Variants in MAPK8IP3 observed in about 807,000 individuals in gnomAD.
MAPK8IP3 encodes C-Jun-amino-terminal kinase-interacting protein 3.
MAPK8IP3 carries 49 observed loss-of-function variants against 157.8 expected under a neutral mutation model. The ratio of observed to expected loss-of-function variants is 0.31; its 90% CI spans 0.25 to 0.39. The LOEUF (loss-of-function observed/expected upper bound fraction) is 0.39. Among genes scored for constraint, MAPK8IP3 ranks in the 10% least tolerant of loss-of-function variants. The pLI, the probability that MAPK8IP3 is intolerant of heterozygous loss-of-function variation, is 1.00. For missense variants in MAPK8IP3, 1,478 were observed against 1,889.4 expected (o/e 0.78, Z 4.04); for synonymous variants, 897 against 777.7 (o/e 1.15, Z -2.55).
intron 5 of MAPK8IP3, chr16:1,744,634 GCC>G: frequency 1.0e-6 from 1 of 985,566 alleles, no homozygotes; most frequent in African/African-American, 1.7e-5. Context: ...GCTGGGACCT[GCC>G]CATAGGCATC....
intron 11 of MAPK8IP3, 89 bp downstream of exon 11, chr16:1,760,104 G>T: frequency 7.0e-7 from 1 of 1,427,802 alleles, no homozygotes. Context: ...GGCGCCTTGG[G>T]GAGCACCTGG....
intron 4 of MAPK8IP3, among the ~76,000 whole-genome samples, chr16:1,739,199 CGT>C (rs1157688459): frequency 9.6e-6 from 1 of 104,328 alleles, no homozygotes; most frequent in East Asian, 3.0e-4. Flanking sequence ...TGTGACCGTC[CGT>C]GTGAGCGTCC....
intron 8 of MAPK8IP3, among the ~76,000 whole-genome samples, chr16:1,750,519 G>A (rs1000401536): frequency 1.3e-5 from 2 of 151,528 alleles, no homozygotes; most frequent in Non-Finnish European, 2.9e-5. Context: ...GGCCGATAAT[G>A]TATATTTTTT....
At position 1,748,240 on chromosome 16, in the gene MAPK8IP3, CT is replaced by C; in HGVS notation, c.995-3del. ...ACCCCAGGTGCCCCTGTGCTCTCCCCTAGGCATGGGCAGCAGTGACGAGTGG... is the reference window on the plus strand; with the variant it reads ...ACCCCAGGTGCCCCTGTGCTCTCCCCAGGCATGGGCAGCAGTGACGAGTGG... On this transcript the variant is annotated splice_polypyrimidine_tract_variant and splice_region_variant and intron_variant, in intron 6 of 31. Coordinates refer to ENST00000610761, the MANE Select transcript of MAPK8IP3 (RefSeq NM_001318852.2). 1 of 1,611,414 alleles carries C rather than the reference CT, an allele frequency of 6.2e-7. No individual in the cohort carries two copies. Among genetic ancestry groups the C allele is most frequent in the Non-Finnish European group, 8.5e-7 (1 of 1,177,714 alleles).
intron 8 of MAPK8IP3, among the ~76,000 whole-genome samples, chr16:1,754,136 G>A (rs1029016248): frequency 1.3e-5 from 2 of 151,056 alleles, no homozygotes; most frequent in African/African-American, 2.4e-5. Flanking sequence ...TCGCACCACC[G>A]CACTGCAGCC....
rs1452153170 is a variant in MAPK8IP3, at chr16:1,737,679, ACCGT to A, written c.603-5648_603-5645del. Among the ~76,000 whole-genome samples the A allele has an allele frequency of 4.4e-5, 2 of 45,552 alleles. 1 individual carries two copies. The highest frequency in any genetic ancestry group is 1.8e-4 in the African/African-American group (2 of 11,278). 29.9% of individuals were successfully genotyped at this position (45,552 alleles called of 152,430 possible). On this transcript the variant is annotated intron_variant, in intron 4 of 31. Transcript: ENST00000610761. ...GTGTGAGCGTCCGTGTGAGCGTGTG[ACCGT>A]CCGTGTGTGACCATCCATGTGAGCA...
intron 1 of MAPK8IP3, among the ~76,000 whole-genome samples, chr16:1,712,993 C>T (rs566737296): frequency 1.3e-5 from 2 of 152,344 alleles, no homozygotes; most frequent in South Asian, 2.1e-4. Context: ...TTCCTTTTCT[C>T]GGCACACCCG....
At chr16:1,719,804 G>C (rs1005424309) in intron 1 of MAPK8IP3, among the ~76,000 whole-genome samples, 14 of 151,898 alleles carry the variant, frequency 9.2e-5, no homozygotes, top group African/African-American at 3.4e-4. Flanking sequence ...GACAGAGGGA[G>C]ACCCTGTCCC....
At position 1,759,903 on chromosome 16, in the gene MAPK8IP3, C is replaced by T. The variant is rs540734517; in HGVS notation, c.1247-55C>T. The T allele has an allele frequency of 3.3e-4, 486 of 1,492,028 alleles. 5 individuals are homozygous for T. In the South Asian group the frequency reaches 5.2e-3, roughly 16 times the overall value. The allele number at this position is 1,492,028 out of a possible 1,614,324, so 92.4% of individuals were successfully genotyped here. On this transcript the variant is annotated intron_variant, in intron 10 of 31. Coordinates refer to ENST00000610761, the MANE Select transcript of MAPK8IP3 (RefSeq NM_001318852.2). The stretch of plus-strand genomic sequence containing the variant: ...TGTTGCCCTGAGGCAGGTGCGGCGG[C>T]ATCAGTGACCTGTTTTGAAGGGCAC...
rs1469627793 is a variant in MAPK8IP3 at position 1,770,268 on chromosome 16, A to G, written c.*1444A>G. ...GATTCTCCTCAGGCTTTGGCCCTGC[A>G]AGCAAACCCACATATCTGCTCTGTA... On this transcript the variant is annotated 3_prime_UTR_variant, in exon 32 of 32. Transcript: ENST00000610761. 2 of 182,504 alleles carry G rather than the reference A, an allele frequency of 1.1e-5. No individual in the cohort carries two copies. Among genetic ancestry groups the G allele is most frequent in the Non-Finnish European group, 2.3e-5 (2 of 88,418 alleles). The allele number at this position is 182,504 out of a possible 1,614,324, so 11.3% of individuals were successfully genotyped here. A position where few individuals can be genotyped will look rare whatever the true frequency, so the allele number is the denominator to read the frequency against.
Position 1,718,299 on chromosome 16 carries a change from C to G in MAPK8IP3, c.319-6258C>G, listed in dbSNP as rs1042833202. ...TCCCGTGTTCAAGAGATTCTCCTGCCTCAGCCTCCTGAGTAGCTGGGATTA... is the reference window on the plus strand; with the variant it reads ...TCCCGTGTTCAAGAGATTCTCCTGCGTCAGCCTCCTGAGTAGCTGGGATTA... On this transcript the variant is annotated intron_variant, in intron 1 of 31. Transcript: ENST00000610761. Among the ~76,000 whole-genome samples the G allele has an allele frequency of 3.9e-5, 6 of 151,992 alleles. No homozygotes were observed. In the South Asian group the frequency reaches 8.3e-4, roughly 21 times the overall value.
At position 1,769,191 on chromosome 16, in the gene MAPK8IP3, GGGGCTCCCCGCCGCCGAGGCTGCCT is replaced by G; in HGVS notation, c.*369_*393del. On this transcript the variant is annotated 3_prime_UTR_variant, in exon 32 of 32. Transcript: ENST00000610761. ...CTCCCCAGCACCCCTGGAGGAGGCA[GGGGCTCCCCGCCGCCGAGGCTGCCT>G]GCCCTGGGCCCACCTCTGCATGCTG... 3.8e-6 allele frequency: 1 copy of G among 265,250 alleles called. No homozygotes were observed. Among genetic ancestry groups the G allele is most frequent in the Admixed American group, 5.0e-5 (1 of 19,996 alleles). The allele number at this position is 265,250 out of a possible 1,614,324, so 16.4% of individuals were successfully genotyped here. A position where few individuals can be genotyped will look rare whatever the true frequency, so the allele number is the denominator to read the frequency against.
In MAPK8IP3 at chr16:1,767,404, C is replaced by A. The variant is rs2042336493; in HGVS notation, c.3237+107C>A. 9 of 1,519,908 alleles carry A rather than the reference C, an allele frequency of 5.9e-6. No individual in the cohort carries two copies. The South Asian group carries it at 7.2e-5, about 12-fold the overall frequency. The allele number at this position is 1,519,908 out of a possible 1,614,324, so 94.2% of individuals were successfully genotyped here. A position where few individuals can be genotyped will look rare whatever the true frequency, so the allele number is the denominator to read the frequency against. On this transcript the variant is annotated intron_variant, in intron 26 of 31. Transcript: ENST00000610761. ...ACGAGGCCCTACGTGGGTCCCATCT[C>A]CCCTGTACCACCTATGACTCAGGCT...
chr16:1,732,012 C>T (rs575344074), intron 4 of MAPK8IP3, among the ~76,000 whole-genome samples: 108 of 152,308 alleles, frequency 7.1e-4, no homozygotes, highest in South Asian at 1.9e-3. Context: ...ATGGGTTCCT[C>T]TCCGTTTTCT....
At position 1,769,274 on chromosome 16, in the gene MAPK8IP3, C is replaced by A. The variant is rs894138781; in HGVS notation, c.*450C>A. 4.0e-5 allele frequency: 8 copies of A among 202,226 alleles called. No homozygotes were observed. Among genetic ancestry groups the A allele is most frequent in the African/African-American group, 1.6e-4 (7 of 42,624 alleles). 12.5% of individuals were successfully genotyped at this position (202,226 alleles called of 1,614,324 possible). On this transcript the variant is annotated 3_prime_UTR_variant, in exon 32 of 32. Coordinates refer to ENST00000610761, the MANE Select transcript of MAPK8IP3 (RefSeq NM_001318852.2). ...GGCCACCCTGCCTCCTGGGCCCTCACTCTGCCTAGGGGAGCTGGGCCAGGC... is the reference window on the plus strand; with the variant it reads ...GGCCACCCTGCCTCCTGGGCCCTCAATCTGCCTAGGGGAGCTGGGCCAGGC...
chr16:1,739,745 C>A (rs1351894764), intron 4 of MAPK8IP3, among the ~76,000 whole-genome samples: 5 of 82,590 alleles, frequency 6.1e-5, no homozygotes, highest in Admixed American at 1.8e-4. Context: ...TGTGTGTGAC[C>A]GTCCGTGTGT....
chr16:1,714,598 G>C (rs1032933381), intron 1 of MAPK8IP3, among the ~76,000 whole-genome samples: 1 of 152,186 alleles, frequency 6.6e-6, no homozygotes, highest in African/African-American at 2.4e-5. Context: ...CCTCTGGGGA[G>C]TTTGGGGCTC....
At chr16:1,737,884 G>C (rs1305527653) in intron 4 of MAPK8IP3, among the ~76,000 whole-genome samples, 1 of 85,274 alleles carries the variant, frequency 1.2e-5, no homozygotes, top group Non-Finnish European at 2.3e-5. Context: ...CCGTCCGTGT[G>C]AGCATCCGTG....
chr16:1,763,130 GC>G, intron 16 of MAPK8IP3, 124 bp downstream of exon 16: 1 of 1,297,970 alleles, frequency 7.7e-7, no homozygotes, highest in Non-Finnish European at 1.1e-6. Flanking sequence ...CTGGCCACAT[GC>G]CAGGGGCCGT....
Sources: gnomAD v4.1 joint callset for allele counts (sites outside exome capture counted in the v4.1 genomes callset) on GRCh38, gnomAD v4.1.1 for gene constraint, MANE v1.5 for transcripts, NCBI Gene and HGNC (gene_info 2026-07-23, HGNC 2026-07-21) for gene names.